Variants in TXNDC16 observed in about 807,000 individuals in gnomAD.
TXNDC16 encodes the protein thioredoxin domain-containing protein 16.
Under a neutral mutation model 85.6 loss-of-function variants are expected in TXNDC16, and 74 were observed. The observed-to-expected ratio is 0.86, with a 90% confidence interval of 0.72 to 1.05. The LOEUF is 1.05. Among genes scored for constraint, TXNDC16 ranks in the 50% least tolerant of loss-of-function variants. TXNDC16 has a pLI of 0.00. For synonymous variants in TXNDC16, 335 were observed against 326.5 expected (o/e 1.03, Z -0.28); for missense variants, 959 against 947.0 (o/e 1.01, Z -0.17).
intron 18 of TXNDC16, among the ~76,000 whole-genome samples, chr14:52,451,050 CTAAGTG>C (rs1456601618): frequency 6.6e-6 from 1 of 151,642 alleles, no homozygotes; most frequent in African/African-American, 2.4e-5. Context: ...TCATATGTTT[CTAAGTG>C]TAAGCTAAGC....
chr14:52,489,284 A>G (rs1244956024), intron 11 of TXNDC16, among the ~76,000 whole-genome samples: 1 of 152,186 alleles, frequency 6.6e-6, no homozygotes, highest in Non-Finnish European at 1.5e-5. Context: ...AGAATACCAA[A>G]TTCTATTGAG....
intron 18 of TXNDC16, among the ~76,000 whole-genome samples, chr14:52,453,777 C>T (rs990786302): frequency 6.6e-6 from 1 of 152,082 alleles, no homozygotes; most frequent in Admixed American, 6.6e-5. Context: ...AGTACAGCCT[C>T]TGGTTGTACT....
chr14:52,441,140 TAATA>T (rs1232524363), intron 18 of TXNDC16, among the ~76,000 whole-genome samples: 2 of 152,198 alleles, frequency 1.3e-5, no homozygotes, highest in African/African-American at 4.8e-5. Flanking sequence ...TATCATTACT[TAATA>T]AATATAAAAT....
chr14:52,455,475 G>A lies in TXNDC16; in HGVS notation c.1704-13C>T. ...ATATTTGGTTGACCTATGGAGAAAG[G>A]CAGTATTAAAATTCACGATCAAAAT... On this transcript the variant is annotated splice_polypyrimidine_tract_variant and intron_variant, in intron 17 of 20. Coordinates refer to ENST00000281741, the MANE Select transcript of TXNDC16 (RefSeq NM_020784.3). The A allele has an allele frequency of 6.2e-7, 1 of 1,613,008 alleles. No individual in the cohort carries two copies. The highest frequency in any genetic ancestry group is 8.5e-7 in the Non-Finnish European group (1 of 1,179,610).
At chr14:52,515,482 T>C (rs895149945) in intron 7 of TXNDC16, among the ~76,000 whole-genome samples, 3 of 152,146 alleles carry the variant, frequency 2.0e-5, no homozygotes, top group Non-Finnish European at 2.9e-5. Context: ...TGTATGTGTC[T>C]GTGTATGTTA....
Position 52,470,550 on chromosome 14 carries a change from T to C in TXNDC16, c.1443A>G (p.Gly481=), listed in dbSNP as rs774710302. The change falls in exon 15 of 21, where the codon GGA becomes GGG. Residue 481 remains glycine, a synonymous_variant. Coordinates refer to ENST00000281741, the MANE Select transcript of TXNDC16 (RefSeq NM_020784.3). The part of the protein sequence containing the change: ...KKGENPVSYA[G]MLGTEDLLKF... ...TTAGGAGATCTTCGGTTCCTAACAT[T>C]CCAGCATAAGATACTGGGTTCTCGC... 1.4e-5 allele frequency: 22 copies of C among 1,613,576 alleles called. No individual in the cohort carries two copies. The highest frequency in any genetic ancestry group is 3.3e-5 in the South Asian group (3 of 90,910).
chr14:52,494,971 T>C (rs1459661679), intron 9 of TXNDC16, among the ~76,000 whole-genome samples: 1 of 152,156 alleles, frequency 6.6e-6, no homozygotes, highest in African/African-American at 2.4e-5. Context: ...CAGTTAGACA[T>C]ATGGGTGGGA....
At position 52,465,990 on chromosome 14, in the gene TXNDC16, G is replaced by A. The variant is rs1437590194; in HGVS notation, c.1618+4047C>T. ...ATGTTAATGGTAGAATCTAGGTGGTGAGTATATGGGTGTTCACTGTACAAT... is the reference window on the plus strand; with the variant it reads ...ATGTTAATGGTAGAATCTAGGTGGTAAGTATATGGGTGTTCACTGTACAAT... On this transcript the variant is annotated intron_variant, in intron 16 of 20. Coordinates refer to ENST00000281741, the MANE Select transcript of TXNDC16 (RefSeq NM_020784.3). 4.6e-5 allele frequency among the ~76,000 whole-genome samples: 7 copies of A among 152,244 alleles called. No individual in the cohort carries two copies. In the East Asian group the frequency reaches 1.4e-3, roughly 29 times the overall value.
intron 12 of TXNDC16, among the ~76,000 whole-genome samples, chr14:52,487,087 C>T (rs1040882543): frequency 1.8e-4 from 27 of 152,084 alleles, no homozygotes; most frequent in African/African-American, 6.3e-4. Flanking sequence ...CCACTGAAGA[C>T]AGGAATCAAA....
chr14:52,432,344 A>T lies in TXNDC16; in HGVS notation c.2438T>A (p.Phe813Tyr), dbSNP rs1173268075. ...GCATCCTAACTCTTTATCACGTCTA[A>T]ATGATTTTTCTGCTTCTTTAAACCA... ...SNWFKEAEKS[F>Y]RRDKELGCSK... Residue 813 changes from phenylalanine to tyrosine, a missense_variant, in exon 21 of 21, where the codon TTT becomes TAT. Coordinates refer to ENST00000281741, the MANE Select transcript of TXNDC16 (RefSeq NM_020784.3). 6.2e-7 allele frequency: 1 copy of T among 1,613,670 alleles called. No individual in the cohort carries two copies. The highest frequency in any genetic ancestry group is 1.7e-5 in the Admixed American group (1 of 59,956).
chr14:52,499,430 A>G (rs2036604937), intron 9 of TXNDC16, among the ~76,000 whole-genome samples: 1 of 152,284 alleles, frequency 6.6e-6, no homozygotes, highest in South Asian at 2.1e-4. Flanking sequence ...CCATAATTCA[A>G]TAACAAAACA....
rs1249108199 is a variant in TXNDC16 at position 52,431,528 on chromosome 14, C to G, written c.*776G>C. On this transcript the variant is annotated 3_prime_UTR_variant, in exon 21 of 21. Coordinates refer to ENST00000281741, the MANE Select transcript of TXNDC16 (RefSeq NM_020784.3). ...TTTCAAACATGATACGTGAGCAGAA[C>G]CAGGAAATTCTGGAAACCTAGTCTG... is the stretch of plus-strand genomic sequence containing the variant. 4 of 152,142 alleles carry G rather than the reference C, an allele frequency of 2.6e-5. No homozygotes were observed. Among genetic ancestry groups the G allele is most frequent in the African/African-American group, 9.7e-5 (4 of 41,430 alleles). The allele number at this position is 152,142 out of a possible 1,614,324, so 9.4% of individuals were successfully genotyped here.
chr14:52,491,055 T>C (rs777653486), intron 9 of TXNDC16, 50 bp from the exon 10 acceptor site: 1 of 1,532,854 alleles, frequency 6.5e-7, no homozygotes, highest in South Asian at 1.3e-5. Context: ...TATTCCAACA[T>C]TTGGATTTAA....
chr14:52,530,297 T>A (rs1265004385), intron 6 of TXNDC16, among the ~76,000 whole-genome samples: 2 of 54,674 alleles, frequency 3.7e-5, no homozygotes, highest in Non-Finnish European at 6.1e-5. Context: ...TTATTATATA[T>A]AATATTAATA....
chr14:52,492,675 C>T (rs907061864), intron 9 of TXNDC16, among the ~76,000 whole-genome samples: 30 of 152,174 alleles, frequency 2.0e-4, no homozygotes, highest in African/African-American at 6.8e-4. Flanking sequence ...GGTGGGGTGT[C>T]ATGTGGCCAG....
At chr14:52,477,144 C>T (rs930710937) in intron 14 of TXNDC16, among the ~76,000 whole-genome samples, 2 of 152,176 alleles carry the variant, frequency 1.3e-5, no homozygotes, top group Non-Finnish European at 2.9e-5. Context: ...TCGCCACTAC[C>T]AAGCCAGCGC....
chr14:52,488,334 G>C lies in TXNDC16; in HGVS notation c.1108+29C>G, dbSNP rs746667356. 2.5e-6 allele frequency: 4 copies of C among 1,608,730 alleles called. No individual in the cohort carries two copies. In the South Asian group the frequency reaches 4.4e-5, roughly 18 times the overall value. On this transcript the variant is annotated intron_variant, in intron 12 of 20. Coordinates refer to ENST00000281741, the MANE Select transcript of TXNDC16 (RefSeq NM_020784.3). ...GACTTTATGGGTGCTGGGCAGGATG[G>C]GGAAGGGGTGAGAATCATAACACAT...
rs1238227587 is a variant in TXNDC16 at position 52,480,975 on chromosome 14, G to GTGTATGTATATATA, written c.1312+1254_1312+1255insTATATATACATACA. On this transcript the variant is annotated intron_variant, in intron 14 of 20. Transcript: ENST00000281741. ...TGTGTGTGTGTGTATATATATATAT[G>GTGTATGTATATATA]TATATATATATATATATATATATAT... Among the ~76,000 whole-genome samples, 307 of 134,974 alleles carry GTGTATGTATATATA rather than the reference G, an allele frequency of 2.3e-3. 4 individuals carry two copies. Among genetic ancestry groups the GTGTATGTATATATA allele is most frequent in the African/African-American group, 8.3e-3 (297 of 35,662 alleles). 88.5% of individuals were successfully genotyped at this position (134,974 alleles called of 152,430 possible).
intron 18 of TXNDC16, among the ~76,000 whole-genome samples, chr14:52,449,248 T>A (rs1039503093): frequency 1.3e-5 from 2 of 151,400 alleles, no homozygotes; most frequent in Non-Finnish European, 2.9e-5. Flanking sequence ...AATAAAAGGA[T>A]GGAAAAAGAT....
Sources: allele counts gnomAD v4.1 joint callset (sites outside exome capture counted in the v4.1 genomes callset), GRCh38; gene constraint gnomAD v4.1.1; transcripts MANE v1.5; gene names NCBI Gene and HGNC (gene_info 2026-07-23, HGNC 2026-07-21).